IMPG1: variants seen among roughly 807,000 people sequenced by gnomAD.
The protein encoded by IMPG1 is interphotoreceptor matrix proteoglycan 1.
A neutral mutation model predicts 92.0 loss-of-function variants in IMPG1; 85 were observed. That is an observed-to-expected ratio of 0.92 (90% CI 0.78 to 1.11). The LOEUF is 1.11. Among genes scored for constraint, IMPG1 ranks in the 50% least tolerant of loss-of-function variants. The probability of loss-of-function intolerance (pLI) is 0.00; values close to 1 mark genes in which losing one functional copy is unlikely to be tolerated. For missense variants in IMPG1, 1,022 were observed against 956.0 expected, an observed-to-expected ratio of 1.07 and a Z score of -0.91; for synonymous variants, 367 against 334.1, an observed-to-expected ratio of 1.10 and a Z score of -1.08.
At chr6:75,987,781 A>G (rs1782743342) in intron 12 of IMPG1, among the ~76,000 whole-genome samples, 1 of 151,426 alleles carries the variant, frequency 6.6e-6, no homozygotes, top group Admixed American at 6.6e-5. Context: ...AGTAGCCGGG[A>G]CTGCAGGCGC....
chr6:76,011,719 A>C, intron 7 of IMPG1, among the ~76,000 whole-genome samples: 1 of 141,456 alleles, frequency 7.1e-6, no homozygotes, highest in African/African-American at 2.6e-5. Context: ...ATATCTCCCA[A>C]TGCTATCCCT....
Position 76,034,746 on chromosome 6 carries a change from C to G in IMPG1, c.343G>C (p.Asp115His). ...AVWEAYRIFL[D>H]RIPDTGEYQD... ...TATTCCCCTGTGTCAGGGATGCGAT[C>G]CAGAAAGATCCGATATGCTTCCCAT... The change falls in exon 3 of 17, where the codon GAT (aspartate) becomes CAT (histidine). Residue 115 changes from aspartate (D) to histidine (H), a missense_variant. Asp to His is a moderately conservative substitution (Grantham distance 81). Transcript: ENST00000369950. The G allele has an allele frequency of 5.6e-6, 9 of 1,614,080 alleles. No homozygotes were observed. Among genetic ancestry groups the G allele is most frequent in the Non-Finnish European group, 7.6e-6 (9 of 1,179,992 alleles).
In IMPG1 at chr6:76,017,370, T is replaced by C. The variant is rs115176243; in HGVS notation, c.807+1348A>G. Among the ~76,000 whole-genome samples the C allele has an allele frequency of 7.1e-3, 1,088 of 152,288 alleles. 9 individuals are homozygous for C. Among genetic ancestry groups the C allele is most frequent in the African/African-American group, 0.024 (1,014 of 41,554 alleles). On this transcript the variant is annotated intron_variant, in intron 7 of 16. Coordinates refer to ENST00000369950, the MANE Select transcript of IMPG1 (RefSeq NM_001563.4). The stretch of plus-strand genomic sequence containing the variant: ...TTGGGAAAGCTCCTCAGTTTATTAA[T>C]TGATGACATGGACAATATAATTGCC...
At chr6:75,959,078 TG>T (rs1490699593) in intron 12 of IMPG1, among the ~76,000 whole-genome samples, 1 of 152,190 alleles carries the variant, frequency 6.6e-6, no homozygotes, top group African/African-American at 2.4e-5. Context: ...ACGTCCTTTT[TG>T]TTGTTGTTAA....
chr6:75,932,335 C>T (rs537750339), intron 14 of IMPG1, among the ~76,000 whole-genome samples: 6 of 152,138 alleles, frequency 3.9e-5, no homozygotes, highest in South Asian at 2.1e-4. Context: ...AGAGTCAAAA[C>T]GAGAGAATTT....
At chr6:75,924,603 T>TTAATA (rs1554226495) in intron 15 of IMPG1, among the ~76,000 whole-genome samples, 1 of 34,698 alleles carries the variant, frequency 2.9e-5, no homozygotes, top group African/African-American at 1.1e-4. Flanking sequence ...TTATATATAA[T>TTAATA]TAATTATATA....
intron 12 of IMPG1, among the ~76,000 whole-genome samples, chr6:75,976,142 A>C (rs1782528485): frequency 6.6e-6 from 1 of 152,230 alleles, no homozygotes; most frequent in African/African-American, 2.4e-5. Context: ...GAGGTAAATA[A>C]AATCTTCAAT....
chr6:76,002,470 TA>T (rs746499726), intron 12 of IMPG1, among the ~76,000 whole-genome samples: 1 of 152,222 alleles, frequency 6.6e-6, no homozygotes, highest in Non-Finnish European at 1.5e-5. Context: ...CCTGTATCCA[TA>T]GTCAGCATGT....
intron 15 of IMPG1, among the ~76,000 whole-genome samples, chr6:75,930,138 C>G (rs6911057): frequency 0.04 from 6,092 of 152,230 alleles, 274 homozygotes; most frequent in East Asian, 0.16. Flanking sequence ...AATAGAGAGG[C>G]CTTTGTATCT....
Position 75,950,844 on chromosome 6 carries a change from A to G in IMPG1, c.1542T>C (p.Asp514=), listed in dbSNP as rs1782017025. ...DDSRSSAGGE[D]MVRHLDEMDL... ...CCATTTCATCTAGGTGTCTGACCAT[A>G]TCTTCGCCACCTGCACTTGATCGGC... Residue 514 remains aspartate (D), a synonymous_variant, in exon 13 of 17, where the codon GAT becomes GAC. Transcript: ENST00000369950. 12 of 1,613,812 alleles carry G rather than the reference A, an allele frequency of 7.4e-6. No homozygotes were observed. In the South Asian group the frequency reaches 1.3e-4, roughly 18 times the overall value.
At chr6:76,031,938 G>C (rs1464777645) in intron 4 of IMPG1, among the ~76,000 whole-genome samples, 1 of 152,168 alleles carries the variant, frequency 6.6e-6, no homozygotes, top group Non-Finnish European at 1.5e-5. Context: ...CTGTAATTTG[G>C]GAAGCTGAGC....
rs189195832 is a variant in IMPG1 at position 76,017,898 on chromosome 6, G to T, written c.807+820C>A. The stretch of plus-strand genomic sequence containing the variant: ...CTCCCGAGTAGCTGGGATTACAGGC[G>T]CCCACCACCACACCCAGCTAATTTT... On this transcript the variant is annotated intron_variant, in intron 7 of 16. Transcript: ENST00000369950. Among the ~76,000 whole-genome samples, 522 of 151,980 alleles carry T rather than the reference G, an allele frequency of 3.4e-3. 6 individuals carry two copies. Among genetic ancestry groups the T allele is most frequent in the African/African-American group, 0.012 (484 of 41,426 alleles).
intron 14 of IMPG1, among the ~76,000 whole-genome samples, chr6:75,934,364 C>G (rs1781706641): frequency 6.6e-6 from 1 of 152,182 alleles, no homozygotes; most frequent in Non-Finnish European, 1.5e-5. Flanking sequence ...TTGTATCATT[C>G]TGAGATTTCC....
chr6:76,004,814 C>G (rs1007478908), intron 10 of IMPG1, among the ~76,000 whole-genome samples: 2 of 152,212 alleles, frequency 1.3e-5, no homozygotes, highest in African/African-American at 4.8e-5. Flanking sequence ...AGTAATGAGG[C>G]TTGCTGCTTC....
chr6:76,067,119 C>T (rs1784322479), intron 1 of IMPG1, among the ~76,000 whole-genome samples: 3 of 151,756 alleles, frequency 2.0e-5, no homozygotes, highest in African/African-American at 7.2e-5. Flanking sequence ...CCTAATGTCA[C>T]ACATCAAGGA....
intron 1 of IMPG1, among the ~76,000 whole-genome samples, chr6:76,067,433 C>A (rs1448478648): frequency 6.6e-6 from 1 of 151,798 alleles, no homozygotes; most frequent in African/African-American, 2.4e-5. Context: ...ACTTGAAAAC[C>A]GAGAGGAAAT....
intron 15 of IMPG1, chr6:75,928,508 A>G (rs1023233172): frequency 1.6e-4 from 25 of 152,182 alleles, no homozygotes; most frequent in Non-Finnish European, 2.9e-5. Flanking sequence ...TAAATTACAC[A>G]TGTTGGCTGG....
chr6:75,946,848 G>C (rs1481401231), intron 14 of IMPG1, among the ~76,000 whole-genome samples: 1 of 151,762 alleles, frequency 6.6e-6, no homozygotes, highest in East Asian at 1.9e-4. Flanking sequence ...TCTTTCCTTA[G>C]AATGCTGTCT....
At chr6:76,011,113 G>A in intron 8 of IMPG1, 53 bp downstream of exon 8, 1 of 978,798 alleles carries the variant, frequency 1.0e-6, no homozygotes, top group Non-Finnish European at 1.6e-6. Context: ...TTTTACAAAA[G>A]GATAGGAAGA....
Sources: allele counts gnomAD v4.1 joint callset (sites outside exome capture counted in the v4.1 genomes callset), GRCh38; gene constraint gnomAD v4.1.1; transcripts MANE v1.5; gene names NCBI Gene and HGNC (gene_info 2026-07-23, HGNC 2026-07-21).